Variants in ITM2B observed in about 807,000 individuals in gnomAD.
ITM2B encodes the protein integral membrane protein 2B.
In ITM2B, 11 loss-of-function variants were observed where a neutral mutation model predicts 27.8. The ratio of observed to expected loss-of-function variants is 0.40; its 90% CI spans 0.25 to 0.66. ITM2B has a LOEUF of 0.66. Among genes scored for constraint, ITM2B ranks in the 30% least tolerant of loss-of-function variants. ITM2B has a pLI of 0.43. For missense variants in ITM2B, 296 were observed against 328.9 expected (o/e 0.90, Z 0.77); for synonymous variants, 114 against 114.3 (o/e 1.00, Z 0.02).
At position 48,269,021 on chromosome 13, in the gene ITM2B, CGTTGCT is replaced by C. The variant is rs1248383045; in HGVS notation, c.*7800_*7805del. ...TCATATAAATTCCCCTTAAGGCATA[CGTTGCT>C]GTCTTTTCCAAATTCCCATTTTGCT... On this transcript the variant is annotated 3_prime_UTR_variant, in exon 6 of 6. Coordinates refer to ENST00000647800, the MANE Select transcript of ITM2B (RefSeq NM_021999.5). The C allele has an allele frequency of 1.3e-5, 2 of 152,170 alleles. No homozygotes were observed. The highest frequency in any genetic ancestry group is 2.9e-5 in the Non-Finnish European group (2 of 68,024). The allele number at this position is 152,170 out of a possible 1,614,324, so 9.4% of individuals were successfully genotyped here. A position where few individuals can be genotyped will look rare whatever the true frequency, so the allele number is the denominator to read the frequency against.
chr13:48,255,573 A>T (rs1019045215), intron 2 of ITM2B, among the ~76,000 whole-genome samples: 2 of 152,076 alleles, frequency 1.3e-5, no homozygotes, highest in East Asian at 3.9e-4. Flanking sequence ...AAGTATTAGG[A>T]TTACAGGCAT....
intron 1 of ITM2B, among the ~76,000 whole-genome samples, chr13:48,244,293 A>G (rs1031045131): frequency 2.6e-5 from 4 of 152,260 alleles, no homozygotes; most frequent in Admixed American, 6.5e-5. Context: ...AAATGCCTAT[A>G]TTTATTCTTA....
At chr13:48,258,016 A>G (rs1951799864) in intron 3 of ITM2B, 110 bp from the exon 4 acceptor site, 3 of 688,084 alleles carry the variant, frequency 4.4e-6, no homozygotes, top group Admixed American at 2.0e-5. Context: ...CAAGTGATTT[A>G]TACATTCTAA....
At chr13:48,255,708 G>A (rs927732594) in intron 2 of ITM2B, among the ~76,000 whole-genome samples, 3 of 152,132 alleles carry the variant, frequency 2.0e-5, no homozygotes, top group South Asian at 2.1e-4. Flanking sequence ...GTAGAACTAC[G>A]TATATGCATA....
intron 5 of ITM2B, among the ~76,000 whole-genome samples, chr13:48,259,424 G>T (rs1951809400): frequency 1.3e-5 from 2 of 152,218 alleles, no homozygotes; most frequent in South Asian, 4.1e-4. Context: ...AACTAATGTT[G>T]TAGCTTTGCC....
At chr13:48,256,028 ACT>A (rs1566163246) in intron 2 of ITM2B, 147 bp from the exon 3 acceptor site, 1 of 670,594 alleles carries the variant, frequency 1.5e-6, no homozygotes, top group Non-Finnish European at 2.7e-6. Context: ...GAATATGTTA[ACT>A]CTGTAATTAA....
intron 1 of ITM2B, among the ~76,000 whole-genome samples, chr13:48,247,507 T>TA (rs970426033): frequency 2.0e-5 from 3 of 152,128 alleles, no homozygotes; most frequent in Admixed American, 6.6e-5. Context: ...AGTCATCCTG[T>TA]AAAAAAATGT....
rs955476700 is a variant in ITM2B, at chr13:48,268,401, C to G, written c.*7177C>G. ...CACTGCAATTTCTGTCTCCCAGGCT[C>G]AAGCCATCCTCTAACCTCAGCCTCC... On this transcript the variant is annotated 3_prime_UTR_variant, in exon 6 of 6. Transcript: ENST00000647800. 6.6e-6 allele frequency: 1 copy of G among 151,862 alleles called. No homozygotes were observed. Among genetic ancestry groups the G allele is most frequent in the Non-Finnish European group, 1.5e-5 (1 of 67,976 alleles). The allele number at this position is 151,862 out of a possible 1,614,324, so 9.4% of individuals were successfully genotyped here. A position where few individuals can be genotyped will look rare whatever the true frequency, so the allele number is the denominator to read the frequency against.
At chr13:48,240,983 A>G (rs1019683805) in intron 1 of ITM2B, among the ~76,000 whole-genome samples, 1 of 152,234 alleles carries the variant, frequency 6.6e-6, no homozygotes, top group Non-Finnish European at 1.5e-5. Flanking sequence ...CAAAGCAATC[A>G]TATTCACTTA....
chr13:48,252,012 A>G (rs1951758698), intron 1 of ITM2B, among the ~76,000 whole-genome samples: 1 of 152,160 alleles, frequency 6.6e-6, no homozygotes, highest in African/African-American at 2.4e-5. Flanking sequence ...CAATACGCTC[A>G]TTGTCTTTCA....
At chr13:48,258,267 G>GC in intron 4 of ITM2B, 31 bp downstream of exon 4, 4 of 1,050,496 alleles carry the variant, frequency 3.8e-6, no homozygotes, top group African/African-American at 1.6e-5. Flanking sequence ...TTTGATGAAT[G>GC]ATGCCTTCAT....
chr13:48,242,664 TTC>T (rs1951706180), intron 1 of ITM2B, among the ~76,000 whole-genome samples: 1 of 152,332 alleles, frequency 6.6e-6, no homozygotes, highest in African/African-American at 2.4e-5. Context: ...GCATTCATTT[TTC>T]TCTCAGCATT....
At position 48,256,343 on chromosome 13, in the gene ITM2B, C is replaced by T. The variant is rs753588397; in HGVS notation, c.413C>T (p.Ala138Val). The T allele has an allele frequency of 5.6e-6, 9 of 1,613,868 alleles. No individual in the cohort carries two copies. The highest frequency in any genetic ancestry group is 7.6e-6 in the Non-Finnish European group (9 of 1,179,896). The change falls in exon 3 of 6, where the codon GCA becomes GTA. Residue 138 changes from alanine (A) to valine (V), a missense_variant. Transcript: ENST00000647800. Reference sequence around the variant, plus strand: ...ATCAGTGTGCCTGTCCCAGAGTTTGCAGATAGTGATCCTGCCAACATTGTT... The same window carrying T: ...ATCAGTGTGCCTGTCCCAGAGTTTGTAGATAGTGATCCTGCCAACATTGTT... ...EFISVPVPEF[A>V]DSDPANIVHD...
intron 1 of ITM2B, among the ~76,000 whole-genome samples, chr13:48,241,148 T>C (rs1951697641): frequency 6.6e-6 from 1 of 152,250 alleles, no homozygotes; most frequent in South Asian, 2.1e-4. Flanking sequence ...ATCCTTGTAC[T>C]GGAAACAACC....
At chr13:48,234,272 A>G (rs1951654102) in intron 1 of ITM2B, among the ~76,000 whole-genome samples, 1 of 152,126 alleles carries the variant, frequency 6.6e-6, no homozygotes, top group African/African-American at 2.4e-5. Context: ...CTTTAATCCT[A>G]GGAAAATTCA....
chr13:48,257,914 C>T (rs910502222), intron 3 of ITM2B, among the ~76,000 whole-genome samples: 4 of 152,160 alleles, frequency 2.6e-5, no homozygotes, highest in Admixed American at 1.3e-4. Flanking sequence ...AATATACCCT[C>T]GATGAGCATT....
chr13:48,268,489 A>C lies in ITM2B; in HGVS notation c.*7265A>C, dbSNP rs1390029054. Reference sequence around the variant, plus strand: ...CTAGTTTGTTTTTGTTATTTTTTTTAGTACAGATGGGGTTTTGCCATGTTG... The same window carrying C: ...CTAGTTTGTTTTTGTTATTTTTTTTCGTACAGATGGGGTTTTGCCATGTTG... On this transcript the variant is annotated 3_prime_UTR_variant, in exon 6 of 6. Transcript: ENST00000647800. The C allele has an allele frequency of 1.3e-5, 2 of 151,764 alleles. No homozygotes were observed. The highest frequency in any genetic ancestry group is 6.6e-5 in the Admixed American group (1 of 15,218). The allele number at this position is 151,764 out of a possible 1,614,324, so 9.4% of individuals were successfully genotyped here.
intron 1 of ITM2B, among the ~76,000 whole-genome samples, chr13:48,250,289 A>G (rs1026368101): frequency 1.3e-5 from 2 of 152,144 alleles, no homozygotes; most frequent in African/African-American, 2.4e-5. Context: ...ACTTTTATGA[A>G]TCATAAAAAA....
At chr13:48,260,821 T>A (rs934064359) in intron 5 of ITM2B, among the ~76,000 whole-genome samples, 1 of 152,118 alleles carries the variant, frequency 6.6e-6, no homozygotes, top group Non-Finnish European at 1.5e-5. Context: ...CAACTCTGAG[T>A]TTCCACAAAG....
Sources: allele counts gnomAD v4.1 joint callset (sites outside exome capture counted in the v4.1 genomes callset), GRCh38; gene constraint gnomAD v4.1.1; transcripts MANE v1.5; gene names NCBI Gene and HGNC (gene_info 2026-07-23, HGNC 2026-07-21).